Variants in SMCO4 observed in about 807,000 individuals in gnomAD.
SMCO4 encodes single-pass membrane protein with coiled-coil domains 4.
A neutral mutation model predicts 3.6 loss-of-function variants in SMCO4; 4 were observed. The ratio of observed to expected loss-of-function variants is 1.11; its 90% CI spans 0.54 to 2.53. SMCO4 has a LOEUF of 2.53. SMCO4 is among the 30% of genes most tolerant of loss of function. The pLI is 0.02. For missense variants in SMCO4, 70 were observed against 80.8 expected (o/e 0.87, Z 0.51); for synonymous variants, 36 against 35.3 (o/e 1.02, Z -0.07).
chr11:93,498,444 C>T (rs1301266088), intron 2 of SMCO4, among the ~76,000 whole-genome samples: 2 of 152,084 alleles, frequency 1.3e-5, no homozygotes, highest in South Asian at 2.1e-4. Context: ...ACAACCACAG[C>T]GAGACCTAAA....
intron 1 of SMCO4, among the ~76,000 whole-genome samples, chr11:93,515,190 G>A (rs1948997830): frequency 6.6e-6 from 1 of 152,132 alleles, no homozygotes; most frequent in East Asian, 1.9e-4. Flanking sequence ...CAAATACACA[G>A]GTCAGGTCAA....
chr11:93,511,850 C>T (rs905054353), intron 1 of SMCO4, among the ~76,000 whole-genome samples: 4 of 152,254 alleles, frequency 2.6e-5, no homozygotes, highest in South Asian at 2.1e-4. Flanking sequence ...CTGCCATATT[C>T]GTAATTGTTT....
chr11:93,534,734 T>C (rs12807184), intron 1 of SMCO4, among the ~76,000 whole-genome samples: 19,003 of 152,192 alleles, frequency 0.12, 1,500 homozygotes, highest in Non-Finnish European at 0.18. Flanking sequence ...TGTGGTCCAG[T>C]AAGCCAGGGC....
chr11:93,478,713 GCACACACACACACACACACACACACA>G lies in SMCO4; in HGVS notation c.*271_*296del. 1 of 224,886 alleles carries G rather than the reference GCACACACACACACACACACACACACA, an allele frequency of 4.4e-6. No homozygotes were observed. The highest frequency in any genetic ancestry group is 7.8e-6 in the Non-Finnish European group (1 of 128,178). The allele number at this position is 224,886 out of a possible 1,614,324, so 13.9% of individuals were successfully genotyped here. ...ATCGATTTTTAGGAGAGAAAAAGAA[GCACACACACACACACACACACACACA>G]CACACACACACACATGCGCGCGCGC... On this transcript the variant is annotated 3_prime_UTR_variant, in exon 3 of 3. Coordinates refer to ENST00000298966, the MANE Select transcript of SMCO4 (RefSeq NM_020179.3).
At chr11:93,484,691 T>A (rs912368910) in intron 2 of SMCO4, among the ~76,000 whole-genome samples, 6 of 148,732 alleles carry the variant, frequency 4.0e-5, no homozygotes, top group African/African-American at 1.2e-4. Flanking sequence ...GGGAATTCTT[T>A]TTTTTTTTTT....
At chr11:93,512,704 G>A (rs776412765) in intron 1 of SMCO4, among the ~76,000 whole-genome samples, 22 of 152,096 alleles carry the variant, frequency 1.4e-4, no homozygotes, top group Non-Finnish European at 1.5e-4. Flanking sequence ...ATACCATCTA[G>A]GTTTGTGTAA....
chr11:93,547,538 G>T (rs1949323078), upstream of SMCO4, among the ~76,000 whole-genome samples: 2 of 152,014 alleles, frequency 1.3e-5, no homozygotes, highest in Non-Finnish European at 2.9e-5. Flanking sequence ...ATATTCTCAT[G>T]TGTTTGTGTC....
chr11:93,501,788 A>G (rs1236477622), intron 1 of SMCO4, among the ~76,000 whole-genome samples: 2 of 151,840 alleles, frequency 1.3e-5, no homozygotes, highest in African/African-American at 4.8e-5. Context: ...GGTATTGTTG[A>G]ATTTGTGCAT....
the SMCO4 span, among the ~76,000 whole-genome samples, chr11:93,552,448 A>ATTATTATTC: frequency 1.1e-5 from 1 of 90,238 alleles, no homozygotes. Context: ...CCACGTTATT[A>ATTATTATTC]TTATTATTAT....
intron 1 of SMCO4, among the ~76,000 whole-genome samples, chr11:93,502,767 C>A (rs964905298): frequency 2.0e-5 from 3 of 152,136 alleles, no homozygotes; most frequent in Non-Finnish European, 2.9e-5. Flanking sequence ...ACTTATCCAA[C>A]AAAAGGACAG....
In SMCO4 at chr11:93,478,936, A is replaced by G; in HGVS notation, c.*74T>C. On this transcript the variant is annotated 3_prime_UTR_variant, in exon 3 of 3. Coordinates refer to ENST00000298966, the MANE Select transcript of SMCO4 (RefSeq NM_020179.3). ...GCAACATGAACATCTCTGAATATGA[A>G]AGCCATTTTTTGTTTGCGTCCCCCT... The G allele has an allele frequency of 2.0e-6, 3 of 1,516,190 alleles. No homozygotes were observed. The highest frequency in any genetic ancestry group is 1.8e-6 in the Non-Finnish European group (2 of 1,133,326). 93.9% of individuals were successfully genotyped at this position (1,516,190 alleles called of 1,614,324 possible).
At chr11:93,529,333 G>C (rs1949141491) in intron 1 of SMCO4, among the ~76,000 whole-genome samples, 1 of 152,188 alleles carries the variant, frequency 6.6e-6, no homozygotes, top group South Asian at 2.1e-4. Flanking sequence ...TGTTTGGGAG[G>C]AAGGAGGGGC....
intron 2 of SMCO4, among the ~76,000 whole-genome samples, chr11:93,487,483 T>TAC (rs1257958584): frequency 6.6e-6 from 1 of 151,990 alleles, no homozygotes; most frequent in Non-Finnish European, 1.5e-5. Context: ...AGATAAAAGA[T>TAC]ACACACACAC....
chr11:93,494,912 A>C (rs532215650), intron 2 of SMCO4, among the ~76,000 whole-genome samples: 13 of 152,222 alleles, frequency 8.5e-5, no homozygotes, highest in Non-Finnish European at 1.5e-4. Context: ...CCAAGGAAGG[A>C]CCTGCATGAT....
chr11:93,508,590 G>A (rs1458483564), intron 1 of SMCO4, among the ~76,000 whole-genome samples: 2 of 152,172 alleles, frequency 1.3e-5, no homozygotes, highest in Admixed American at 6.5e-5. Flanking sequence ...GAAATCATTA[G>A]TAACAAAGTG....
chr11:93,537,323 C>T (rs866826877), intron 1 of SMCO4, among the ~76,000 whole-genome samples: 2 of 152,196 alleles, frequency 1.3e-5, no homozygotes, highest in Non-Finnish European at 2.9e-5. Context: ...CCCTCCACTT[C>T]GGCAAACAGC....
At chr11:93,532,893 T>C (rs556566672) in intron 1 of SMCO4, among the ~76,000 whole-genome samples, 2 of 152,334 alleles carry the variant, frequency 1.3e-5, no homozygotes, top group Non-Finnish European at 2.9e-5. Context: ...CTATTGTCTG[T>C]CATCCTCACT....
At chr11:93,481,044 A>G (rs1018902802) in intron 2 of SMCO4, among the ~76,000 whole-genome samples, 2 of 151,232 alleles carry the variant, frequency 1.3e-5, no homozygotes, top group African/African-American at 4.9e-5. Flanking sequence ...AACAGAGAGA[A>G]AAAAAAAAAC....
intron 1 of SMCO4, among the ~76,000 whole-genome samples, chr11:93,516,932 C>T (rs1381312299): frequency 6.6e-6 from 1 of 152,090 alleles, no homozygotes; most frequent in African/African-American, 2.4e-5. Context: ...TCAGACTAGC[C>T]TTCCCTGCCT....
Sources: allele counts gnomAD v4.1 joint callset (sites outside exome capture counted in the v4.1 genomes callset), GRCh38; gene constraint gnomAD v4.1.1; transcripts MANE v1.5; gene names NCBI Gene and HGNC (gene_info 2026-07-23, HGNC 2026-07-21).